Variants in DCDC1 observed in about 807,000 individuals in gnomAD.
DCDC1 encodes the protein doublecortin domain containing 1.
A neutral mutation model predicts 178.3 loss-of-function variants in DCDC1; 200 were observed. The observed-to-expected ratio is 1.12, with a 90% CI of 1.00 to 1.26. DCDC1 has a LOEUF of 1.26. Among genes scored for constraint, DCDC1 ranks in the 50% most tolerant of loss-of-function variants. The pLI is 0.00. For synonymous variants in DCDC1, 690 were observed against 604.8 expected (o/e 1.14, Z -2.07); for missense variants, 1,983 against 1,749.2 (o/e 1.13, Z -2.38).
chr11:31,117,128 T>C (rs974395587), intron 11 of DCDC1, among the ~76,000 whole-genome samples: 2 of 152,118 alleles, frequency 1.3e-5, no homozygotes, highest in African/African-American at 2.4e-5. Flanking sequence ...CACAGCTGCA[T>C]GAGGGGAAAT....
At chr11:30,897,383 T>G (rs529460578) in intron 34 of DCDC1, among the ~76,000 whole-genome samples, 34 of 151,982 alleles carry the variant, frequency 2.2e-4, no homozygotes, top group Non-Finnish European at 3.8e-4. Context: ...GGTCAGGAGA[T>G]CAAGACCATC....
chr11:31,102,894 T>C (rs191459274), intron 14 of DCDC1, among the ~76,000 whole-genome samples: 1 of 152,310 alleles, frequency 6.6e-6, no homozygotes, highest in African/African-American at 2.4e-5. Context: ...TTAAGACAAA[T>C]GATCTGGGTT....
intron 20 of DCDC1, among the ~76,000 whole-genome samples, chr11:31,022,643 T>TGTGTG (rs1952952445): frequency 1.7e-5 from 2 of 120,950 alleles, no homozygotes; most frequent in Non-Finnish European, 3.4e-5. Flanking sequence ...GTCTTTTAGT[T>TGTGTG]TGTGTGTGTG....
At chr11:31,288,387 G>C (rs545964722) in intron 7 of DCDC1, among the ~76,000 whole-genome samples, 1 of 151,786 alleles carries the variant, frequency 6.6e-6, no homozygotes, top group East Asian at 1.9e-4. Context: ...CTATAATTCC[G>C]GTATTCCAGA....
intron 8 of DCDC1, among the ~76,000 whole-genome samples, chr11:31,250,960 G>A (rs1330792480): frequency 6.6e-6 from 1 of 151,886 alleles, no homozygotes; most frequent in Non-Finnish European, 1.5e-5. Context: ...TCACCATGTT[G>A]GCCAGGATGG....
intron 22 of DCDC1, among the ~76,000 whole-genome samples, chr11:30,926,679 T>C (rs1194556669): frequency 1.3e-5 from 2 of 152,220 alleles, no homozygotes; most frequent in African/African-American, 4.8e-5. Context: ...TTACATAAAG[T>C]TGACTTTATG....
At position 30,892,837 on chromosome 11, in the gene DCDC1, C is replaced by A. The variant is rs1188766881; in HGVS notation, c.5063G>T (p.Trp1688Leu). Residue 1688 changes from tryptophan (W) to leucine (L), a missense_variant, in exon 36 of 39, where the codon TGG (tryptophan) becomes TTG (leucine). Trp to Leu is a moderately conservative substitution (Grantham distance 61, BLOSUM62 -2). Coordinates refer to ENST00000684477, the MANE Select transcript of DCDC1 (RefSeq NM_001387274.1). ...GGRPEDGTYA[W>L]GKTISELLQD... ...ATTTACCTCTGAAATAGTTTTGCCC[C>A]AGGCATAAGTGCCATCTTCAGGTCT... 6.2e-7 allele frequency: 1 copy of A among 1,613,820 alleles called. No homozygotes were observed. Among genetic ancestry groups the A allele is most frequent in the Non-Finnish European group, 8.5e-7 (1 of 1,179,796 alleles).
chr11:31,238,208 C>T (rs967792495), intron 9 of DCDC1, among the ~76,000 whole-genome samples: 13 of 152,008 alleles, frequency 8.6e-5, no homozygotes, highest in African/African-American at 2.9e-4. Context: ...TCAAAAATCA[C>T]ATTTGTACTT....
intron 4 of DCDC1, among the ~76,000 whole-genome samples, chr11:31,307,050 C>A (rs924495535): frequency 1.3e-5 from 2 of 151,962 alleles, no homozygotes; most frequent in African/African-American, 4.8e-5. Context: ...CTCTAACTAA[C>A]CAAGTTAATT....
intron 9 of DCDC1, 48 bp from the exon 10 acceptor site, chr11:31,137,832 T>C (rs1406695972): frequency 1.5e-6 from 1 of 685,640 alleles, no homozygotes; most frequent in Non-Finnish European, 2.6e-6. Flanking sequence ...TATTGACACC[T>C]AATAGCAACA....
chr11:31,077,953 G>T, intron 17 of DCDC1, 28 bp from the exon 18 acceptor site: 1 of 764,428 alleles, frequency 1.3e-6, no homozygotes, highest in South Asian at 1.3e-5. Context: ...TTTAGAGATT[G>T]ACATCTTCTC....
intron 21 of DCDC1, among the ~76,000 whole-genome samples, chr11:30,935,622 C>A (rs529056363): frequency 1.7e-4 from 26 of 151,844 alleles, no homozygotes; most frequent in Admixed American, 1.7e-3. Context: ...GGTGCAATCT[C>A]AGCTCACTGC....
intron 11 of DCDC1, among the ~76,000 whole-genome samples, chr11:31,110,686 C>A (rs867355880): frequency 4.7e-5 from 7 of 148,918 alleles, no homozygotes; most frequent in African/African-American, 1.7e-4. Flanking sequence ...CTGACCACAG[C>A]GGATGCTTAA....
chr11:31,275,024 C>G (rs1222687422), intron 7 of DCDC1, among the ~76,000 whole-genome samples: 2 of 151,944 alleles, frequency 1.3e-5, no homozygotes, highest in Non-Finnish European at 2.9e-5. Flanking sequence ...CTTTGTCCAC[C>G]ACTAGACTAA....
At chr11:31,366,436 A>T (rs1951960921) in intron 1 of DCDC1, among the ~76,000 whole-genome samples, 1 of 152,306 alleles carries the variant, frequency 6.6e-6, no homozygotes, top group South Asian at 2.1e-4. Flanking sequence ...ATCAGAATAT[A>T]TTCTAAGGAA....
At chr11:31,160,816 C>T (rs78759690) in intron 9 of DCDC1, among the ~76,000 whole-genome samples, 160 of 152,262 alleles carry the variant, frequency 1.1e-3, no homozygotes, top group African/African-American at 3.6e-3. Flanking sequence ...GTTTAGAACA[C>T]CATTTCCTGG....
At chr11:30,943,419 CTTTTA>C (rs1947799247) in intron 21 of DCDC1, 3 of 257,430 alleles carry the variant, frequency 1.2e-5, no homozygotes, top group South Asian at 8.5e-5. Context: ...GAGTAATAAA[CTTTTA>C]GCTTTGTTCT....
intron 15 of DCDC1, among the ~76,000 whole-genome samples, 184 bp from the exon 16 acceptor site, chr11:31,094,368 A>G (rs1958009577): frequency 6.6e-6 from 1 of 152,224 alleles, no homozygotes; most frequent in South Asian, 2.1e-4. Flanking sequence ...CAACTCTATT[A>G]TGCAAGACCC....
At chr11:31,147,317 G>A (rs1964554361) in intron 9 of DCDC1, among the ~76,000 whole-genome samples, 2 of 152,172 alleles carry the variant, frequency 1.3e-5, no homozygotes, top group African/African-American at 4.8e-5. Context: ...AAGTTTAACT[G>A]TGTATATGCT....
Sources: allele counts gnomAD v4.1 joint callset (sites outside exome capture counted in the v4.1 genomes callset), GRCh38; gene constraint gnomAD v4.1.1; transcripts MANE v1.5; gene names NCBI Gene and HGNC (gene_info 2026-07-23, HGNC 2026-07-21).